CHRNE: variants seen among roughly 807,000 people sequenced by gnomAD.
CHRNE encodes acetylcholine receptor subunit epsilon.
CHRNE carries 58 observed loss-of-function variants against 56.5 expected under a neutral mutation model. The ratio of observed to expected loss-of-function variants is 1.03; its 90% confidence interval spans 0.83 to 1.28. The LOEUF (loss-of-function observed/expected upper bound fraction) is 1.28. Ranked by LOEUF, CHRNE falls within the 50% of genes most tolerant of loss-of-function variation. CHRNE has a pLI of 0.00. For synonymous variants in CHRNE, 385 were observed against 297.9 expected (o/e 1.29, Z -3.01); for missense variants, 793 against 688.9 (o/e 1.15, Z -1.69).
At position 4,901,621 on chromosome 17, in the gene CHRNE, G is replaced by C; in HGVS notation, c.505C>G (p.Gln169Glu). 1.2e-6 allele frequency: 2 copies of C among 1,613,944 alleles called. No individual in the cohort carries two copies. Among genetic ancestry groups the C allele is most frequent in the Non-Finnish European group, 1.7e-6 (2 of 1,179,936 alleles). Residue 169 changes from glutamine to glutamate, a missense_variant, in exon 6 of 12, where the codon CAG becomes GAG. By Grantham distance (29) the Gln-to-Glu change is conservative. Transcript: ENST00000649488. ...TCCACCTCTTCGGCATTGTACGTCT[G>C]AGAGCTGCGGAGCCAGGGCCGGGAG... ...WQNCSLIFRS[Q>E]TYNAEEVEFT...
rs2151098283 is a variant in CHRNE at position 4,901,977 on chromosome 17, ACCT to A, written c.452_454del (p.Glu151del). ...CTGCCAATCGAAGGGGAAGTAGGTG[ACCT>A]CCACTGCGCAGACGCTGCGGTAGAT... On this transcript the variant is annotated inframe_deletion, in exon 5 of 12. Coordinates refer to ENST00000649488, the MANE Select transcript of CHRNE (RefSeq NM_000080.4). 1.2e-6 allele frequency: 2 copies of A among 1,610,880 alleles called. No homozygotes were observed. Among genetic ancestry groups the A allele is most frequent in the Non-Finnish European group, 1.7e-6 (2 of 1,178,360 alleles).
chr17:4,899,885 T>A, intron 8 of CHRNE: 1 of 1,549,106 alleles, frequency 6.5e-7, no homozygotes, highest in East Asian at 2.4e-5. Context: ...GGTCTCCTGT[T>A]CGCCCCTGTG....
chr17:4,900,730 TG>T, intron 8 of CHRNE, 62 bp downstream of exon 8: 2 of 1,534,020 alleles, frequency 1.3e-6, no homozygotes, highest in East Asian at 2.4e-5. Context: ...CCGGGGTCTC[TG>T]GGTTTTGGCC....
At chr17:4,900,433 G>A (rs764025374) in intron 8 of CHRNE, 88 of 1,550,762 alleles carry the variant, frequency 5.7e-5, no homozygotes, top group Non-Finnish European at 7.2e-5. Flanking sequence ...CTGTGTGGAC[G>A]GGGTCTGCAG....
chr17:4,899,717 A>C (rs1969896036), intron 8 of CHRNE, 135 bp from the exon 9 acceptor site: 1 of 1,524,834 alleles, frequency 6.6e-7, no homozygotes, highest in Non-Finnish European at 8.9e-7. Flanking sequence ...ACACGACGAC[A>C]GACGCGTCCC....
intron 8 of CHRNE, chr17:4,900,155 T>A: frequency 6.5e-7 from 1 of 1,548,746 alleles, no homozygotes; most frequent in East Asian, 2.4e-5. Context: ...GGTGGGGTAC[T>A]GGGGGGCTTA....
chr17:4,907,541 C>T (rs1970105845), upstream of CHRNE, among the ~76,000 whole-genome samples: 3 of 140,050 alleles, frequency 2.1e-5, no homozygotes, highest in Non-Finnish European at 4.5e-5. Flanking sequence ...GCACTCCAGC[C>T]TGGTGACAGA....
At chr17:4,904,177 GTTTC>G (rs1245032339), upstream of CHRNE, among the ~76,000 whole-genome samples, 5 of 151,602 alleles carry the variant, frequency 3.3e-5, no homozygotes, top group South Asian at 4.2e-4. Flanking sequence ...TTGTTTTTCT[GTTTC>G]TTTTTTTGTT....
upstream of CHRNE, among the ~76,000 whole-genome samples, chr17:4,907,406 TAA>T (rs1196672280): frequency 1.4e-5 from 2 of 142,576 alleles, no homozygotes; most frequent in East Asian, 2.1e-4. Flanking sequence ...TACTAAAAAT[TAA>T]AAAAAAAAAA....
chr17:4,902,684 C>T lies in CHRNE; in HGVS notation c.126G>A (p.Val42=). 1 of 1,614,096 alleles carries T rather than the reference C, an allele frequency of 6.2e-7. No homozygotes were observed. Among genetic ancestry groups the T allele is most frequent in the Non-Finnish European group, 8.5e-7 (1 of 1,180,000 alleles). The change falls in exon 2 of 12, where the codon GTG becomes GTA. Residue 42 remains valine (V), a synonymous_variant. Coordinates refer to ENST00000649488, the MANE Select transcript of CHRNE (RefSeq NM_000080.4). The surrounding 1 kb of genome is among the most constrained non-coding windows in gnomAD (Gnocchi z 4.0). ...TGGTGACAGTATCCTCAGGCTCCCG[C>T]ACTGGCCGGCTTCCTGGGTCATAGT... The part of the protein sequence containing the change: ...FNNYDPGSRP[V]REPEDTVTIS...
rs1187421976 is a variant in CHRNE, at chr17:4,902,071, C to T, written c.361G>A (p.Gly121Arg). 4.3e-6 allele frequency: 7 copies of T among 1,614,044 alleles called. No homozygotes were observed. The South Asian group carries it at 7.7e-5, about 18-fold the overall frequency. ...VLENNIDGQFGVAYDANVLVY... is the reference protein window; with the variant it reads ...VLENNIDGQFRVAYDANVLVY... ...AGCACGTTGGCGTCGTAGGCCACTC[C>T]GAACTGGCCATCAATACTGTGGGCT... Residue 121 changes from glycine (G) to arginine (R), a missense_variant, in exon 5 of 12, where the codon GGA becomes AGA. Physicochemically the swap from Gly to Arg is moderately radical, Grantham distance 125. Transcript: ENST00000649488. This position sits in a 1 kb window ranked among gnomAD's most constrained non-coding sequence, Gnocchi z 4.0.
At chr17:4,900,520 A>C (rs1243941372) in intron 8 of CHRNE, 1 of 1,550,814 alleles carries the variant, frequency 6.4e-7, no homozygotes, top group South Asian at 1.2e-5. Flanking sequence ...AGCTCAGGAC[A>C]CGGGGTGAGT....
Position 4,901,990 on chromosome 17 carries a change from A to T in CHRNE, c.442T>A (p.Cys148Ser), listed in dbSNP as rs1597621396. 1.9e-6 allele frequency: 3 copies of T among 1,613,692 alleles called. No homozygotes were observed. Among genetic ancestry groups the T allele is most frequent in the Non-Finnish European group, 2.5e-6 (3 of 1,179,818 alleles). Residue 148 changes from cysteine (C) to serine (S), a missense_variant, in exon 5 of 12, where the codon TGC becomes AGC. Coordinates refer to ENST00000649488, the MANE Select transcript of CHRNE (RefSeq NM_000080.4). ...GGGAAGTAGGTGACCTCCACTGCGCAGACGCTGCGGTAGATGGCCGGAGGC... is the reference window on the plus strand; with the variant it reads ...GGGAAGTAGGTGACCTCCACTGCGCTGACGCTGCGGTAGATGGCCGGAGGC... The part of the protein sequence containing the change: ...WLPPAIYRSV[C>S]AVEVTYFPFD...
chr17:4,899,341 G>A lies in CHRNE; in HGVS notation c.1076C>T (p.Pro359Leu), dbSNP rs192195094. The part of the protein sequence containing the change: ...LLPRLLGSPP[P>L]PEAPRAASPP... ...CGAGGCGGCCCGGGGGGCCTCGGGC[G>A]GCGGCGGGGAGCCCAGGAGGCGCGG... The change falls in exon 10 of 12, where the codon CCG (proline) becomes CTG (leucine). Residue 359 changes from proline (P) to leucine (L), a missense_variant. Pro to Leu is a moderately conservative substitution (Grantham distance 98, BLOSUM62 -3). Coordinates refer to ENST00000649488, the MANE Select transcript of CHRNE (RefSeq NM_000080.4). 790 of 1,547,386 alleles carry A rather than the reference G, an allele frequency of 5.1e-4. 3 individuals carry two copies. The African/African-American group carries it at 8.8e-3, about 17-fold the overall frequency.
rs139171143 is a variant in CHRNE at position 4,898,816 on chromosome 17, C to G, written c.1402G>C (p.Val468Leu). ...CCGAGGAAGATGAGGCTGGAGCCCACGCTGAAGAGCACCAGAGCGGCCCAG... is the reference window on the plus strand; with the variant it reads ...CCGAGGAAGATGAGGCTGGAGCCCAGGCTGAAGAGCACCAGAGCGGCCCAG... ...CFWAALVLFSVGSSLIFLGAY... is the reference protein window; with the variant it reads ...CFWAALVLFSLGSSLIFLGAY... The change falls in exon 12 of 12, where the codon GTG (valine) becomes CTG (leucine). Residue 468 changes from valine to leucine, a missense_variant. Val to Leu is a conservative substitution (Grantham distance 32). Coordinates refer to ENST00000649488, the MANE Select transcript of CHRNE (RefSeq NM_000080.4). The G allele has an allele frequency of 7.9e-3, 12,742 of 1,603,472 alleles. 100 individuals carry two copies. The highest frequency in any genetic ancestry group is 0.02 in the South Asian group (1,788 of 89,144).
chr17:4,899,060 A>T lies in CHRNE; in HGVS notation c.1267T>A (p.Cys423Ser), dbSNP rs372515997. Residue 423 changes from cysteine to serine, a missense_variant, in exon 11 of 12, where the codon TGT (cysteine) becomes AGT (serine). Cys to Ser is a moderately radical substitution (Grantham distance 112). Transcript: ENST00000649488. ...GCCACGAAGTTCACGGCATCCACAC[A>T]GCAGCGGACCTCGGGGGCGGCGGCG... ...LGAAAPEVRC[C>S]VDAVNFVAES... The T allele has an allele frequency of 9.3e-6, 15 of 1,611,788 alleles. No individual in the cohort carries two copies. The highest frequency in any genetic ancestry group is 1.3e-5 in the African/African-American group (1 of 74,922).
upstream of CHRNE, among the ~76,000 whole-genome samples, chr17:4,906,038 T>C (rs543716360): frequency 7.2e-5 from 11 of 152,274 alleles, no homozygotes; most frequent in Middle Eastern, 3.4e-3. Context: ...TCCCCCTACT[T>C]TGCATGTCCC....
At chr17:4,908,257 T>G (rs1462917893) in intron 1 of CHRNE, among the ~76,000 whole-genome samples, 1 of 152,152 alleles carries the variant, frequency 6.6e-6, no homozygotes, top group Non-Finnish European at 1.5e-5. Context: ...TTACAGTGAG[T>G]AGAAATCCTC....
rs780592951 is a variant in CHRNE, at chr17:4,898,756, C to T, written c.1462G>A (p.Ala488Thr). 64 of 1,611,008 alleles carry T rather than the reference C, an allele frequency of 4.0e-5. 1 individual carries two copies. The highest frequency in any genetic ancestry group is 1.7e-5 in the Admixed American group (1 of 59,502). Residue 488 changes from alanine (A) to threonine (T), a missense_variant, in exon 12 of 12, where the codon GCG becomes ACG. Coordinates refer to ENST00000649488, the MANE Select transcript of CHRNE (RefSeq NM_000080.4). Reference protein sequence around the residue: ...YFNRVPDLPYAPCIQP With the variant: ...YFNRVPDLPYTPCIQP ...GCGAGCTAAGGCTGGATACACGGCG[C>T]GTAGGGGAGATCAGGCACTCGGTTG...
Sources: gnomAD v4.1 joint callset for allele counts (sites outside exome capture counted in the v4.1 genomes callset) on GRCh38, gnomAD v4.1.1 for gene constraint, Gnocchi (gnomAD v3.1) non-coding constraint, MANE v1.5 for transcripts, NCBI Gene and HGNC (gene_info 2026-07-23, HGNC 2026-07-21) for gene names.